Variants in DOCK8 observed in about 807,000 individuals in gnomAD.
DOCK8 encodes the protein dedicator of cytokinesis protein 8.
In DOCK8, 141 loss-of-function variants were observed where a neutral mutation model predicts 245.6. The observed-to-expected ratio is 0.57, with a 90% CI of 0.50 to 0.66. The LOEUF (loss-of-function observed/expected upper bound fraction) is 0.66. Among genes scored for constraint, DOCK8 ranks in the 30% least tolerant of loss-of-function variants. DOCK8 has a pLI of 0.00. For synonymous variants in DOCK8, 1,168 were observed against 970.2 expected, an observed-to-expected ratio of 1.20 and a Z score of -3.79; for missense variants, 2,965 against 2,603.4, an observed-to-expected ratio of 1.14 and a Z score of -3.02.
chr9:458,036 G>A (rs2057695738), intron 46 of DOCK8: 1 of 152,192 alleles, frequency 6.6e-6, no homozygotes, highest in Non-Finnish European at 1.5e-5. Context: ...GCCATGCTGA[G>A]CTGTTCCCTC....
intron 23 of DOCK8, among the ~76,000 whole-genome samples, chr9:390,001 C>T (rs913915713): frequency 6.6e-6 from 1 of 151,654 alleles, no homozygotes; most frequent in African/African-American, 2.4e-5. Flanking sequence ...GCCTGGGCGA[C>T]AGAGTGCAGC....
intron 1 of DOCK8, among the ~76,000 whole-genome samples, chr9:241,266 G>A (rs981177027): frequency 2.0e-5 from 3 of 152,000 alleles, no homozygotes; most frequent in Non-Finnish European, 4.4e-5. Flanking sequence ...TATTTGAAAC[G>A]ACACAATACA....
At chr9:384,493 G>T (rs1031997728) in intron 22 of DOCK8, among the ~76,000 whole-genome samples, 3 of 152,202 alleles carry the variant, frequency 2.0e-5, no homozygotes, top group African/African-American at 7.2e-5. Flanking sequence ...GTTTGGGGCT[G>T]GGCGCCAATA....
chr9:414,097 G>A (rs148037205), intron 28 of DOCK8, among the ~76,000 whole-genome samples: 3,678 of 150,638 alleles, frequency 0.024, 150 homozygotes, highest in African/African-American at 0.084. Context: ...AGCCGAGATC[G>A]TGTCATTGCA....
chr9:253,586 G>T (rs942051887), intron 1 of DOCK8, among the ~76,000 whole-genome samples: 3 of 152,154 alleles, frequency 2.0e-5, no homozygotes, highest in African/African-American at 7.2e-5. Context: ...GCCTCCATAA[G>T]ACTAAAAGTT....
intron 14 of DOCK8, among the ~76,000 whole-genome samples, chr9:347,030 G>T (rs1302438932): frequency 6.6e-6 from 1 of 152,164 alleles, no homozygotes; most frequent in African/African-American, 2.4e-5. Flanking sequence ...GGTGAAGGAA[G>T]GGTGGTTGTG....
At chr9:312,688 T>C (rs1040480155) in intron 6 of DOCK8, 1 of 343,590 alleles carries the variant, frequency 2.9e-6, no homozygotes. Context: ...CTTGATTGTT[T>C]ACTTCTTCAT....
chr9:215,485 G>C, intron 1 of DOCK8: 1 of 1,466,866 alleles, frequency 6.8e-7, no homozygotes, highest in South Asian at 1.4e-5. Context: ...CAGGCTGCAA[G>C]CCTTCTGTCG....
At chr9:339,257 G>A (rs142664568) in intron 13 of DOCK8, among the ~76,000 whole-genome samples, 158 bp downstream of exon 13, 1 of 152,106 alleles carries the variant, frequency 6.6e-6, no homozygotes, top group Admixed American at 6.5e-5. Context: ...CTATGTCTTT[G>A]GCAAACCTAT....
intron 28 of DOCK8, among the ~76,000 whole-genome samples, chr9:408,816 G>C (rs1359700718): frequency 6.6e-6 from 1 of 152,104 alleles, no homozygotes. Context: ...AGTATATTCA[G>C]AGATAATCAT....
chr9:333,249 C>G (rs1294073933), intron 10 of DOCK8, among the ~76,000 whole-genome samples: 1 of 152,212 alleles, frequency 6.6e-6, no homozygotes, highest in East Asian at 1.9e-4. Flanking sequence ...GGTGTTGAGC[C>G]TATGAAAAGG....
chr9:350,544 G>T (rs562133603), intron 14 of DOCK8, among the ~76,000 whole-genome samples: 18 of 152,282 alleles, frequency 1.2e-4, no homozygotes, highest in East Asian at 9.7e-4. Flanking sequence ...AGTCTTACTA[G>T]GGAGAGATAA....
chr9:409,233 C>T (rs1163877065), intron 28 of DOCK8, among the ~76,000 whole-genome samples: 2 of 152,232 alleles, frequency 1.3e-5, no homozygotes. Context: ...CCAGTTTCCA[C>T]TGGGTTTCCC....
chr9:409,912 A>C (rs1411706714), intron 28 of DOCK8, among the ~76,000 whole-genome samples: 3 of 152,146 alleles, frequency 2.0e-5, no homozygotes. Flanking sequence ...TCCATGGTGT[A>C]TATGTGCCAC....
At chr9:436,827 G>A (rs1564067684) in intron 39 of DOCK8, among the ~76,000 whole-genome samples, 1 of 152,304 alleles carries the variant, frequency 6.6e-6, no homozygotes, top group South Asian at 2.1e-4. Flanking sequence ...CCAGAGAGAC[G>A]TAATATAACT....
chr9:298,365 C>T (rs2049360460), intron 4 of DOCK8, among the ~76,000 whole-genome samples: 2 of 152,180 alleles, frequency 1.3e-5, no homozygotes, highest in African/African-American at 4.8e-5. Flanking sequence ...GCGGAGGTTG[C>T]AGTGAGCCAA....
At chr9:461,078 C>T (rs888196363) in intron 46 of DOCK8, among the ~76,000 whole-genome samples, 5 of 152,264 alleles carry the variant, frequency 3.3e-5, no homozygotes, top group East Asian at 1.9e-4. Flanking sequence ...GTTTAAATAA[C>T]GTGATTTTCT....
intron 26 of DOCK8, among the ~76,000 whole-genome samples, chr9:403,401 G>A (rs1243397707): frequency 6.6e-6 from 1 of 152,194 alleles, no homozygotes; most frequent in African/African-American, 2.4e-5. Flanking sequence ...AGCCAGGAGT[G>A]CACATCGAAA....
chr9:232,194 A>C (rs1373834922), intron 1 of DOCK8, among the ~76,000 whole-genome samples: 2 of 152,192 alleles, frequency 1.3e-5, no homozygotes, highest in Admixed American at 6.5e-5. Context: ...ATGCTGGATT[A>C]CATTTATTGA....
Sources: allele counts gnomAD v4.1 joint callset (sites outside exome capture counted in the v4.1 genomes callset), GRCh38; gene constraint gnomAD v4.1.1; transcripts MANE v1.5; gene names NCBI Gene and HGNC (gene_info 2026-07-23, HGNC 2026-07-21).